Variants in TCF4 observed in about 807,000 individuals in gnomAD.
The protein encoded by TCF4 is transcription factor 4, also known as SL3-3 enhancer factor 2.
In TCF4, 3 loss-of-function variants were observed where a neutral mutation model predicts 82.1. The observed-to-expected ratio is 0.04, with a 90% CI of 0.02 to 0.09. The LOEUF (loss-of-function observed/expected upper bound fraction) is 0.09. Ranked by LOEUF, TCF4 falls within the 10% of genes least tolerant of loss-of-function variation. TCF4 has a pLI of 1.00. For missense variants in TCF4, 518 were observed against 852.7 expected, an observed-to-expected ratio of 0.61 and a Z score of 4.89; for synonymous variants, 276 against 309.6, an observed-to-expected ratio of 0.89 and a Z score of 1.14.
At chr18:55,321,769 A>T (rs1288660784) in intron 8 of TCF4, 1 of 1,511,846 alleles carries the variant, frequency 6.6e-7, no homozygotes, top group Non-Finnish European at 8.8e-7. Flanking sequence ...CCTCAGTACC[A>T]CTCTAACAAC....
At chr18:55,620,559 T>C (rs2097716735) in intron 2 of TCF4, among the ~76,000 whole-genome samples, 2 of 152,162 alleles carry the variant, frequency 1.3e-5, no homozygotes, top group Admixed American at 1.3e-4. Context: ...TCTGATTCTC[T>C]GTTCTACGAA....
At chr18:55,488,344 T>C (rs1317937233) in intron 3 of TCF4, among the ~76,000 whole-genome samples, 1 of 152,130 alleles carries the variant, frequency 6.6e-6, no homozygotes, top group Non-Finnish European at 1.5e-5. Context: ...AAACATACCA[T>C]AGCCTTCTGT....
chr18:55,269,286 T>C (rs546159986), intron 11 of TCF4: 3 of 154,852 alleles, frequency 1.9e-5, no homozygotes, highest in African/African-American at 7.2e-5. Flanking sequence ...GCATCTCCTC[T>C]CTCATAAGTG....
At chr18:55,480,495 G>T (rs1235304528) in intron 3 of TCF4, among the ~76,000 whole-genome samples, 2 of 152,270 alleles carry the variant, frequency 1.3e-5, no homozygotes, top group Admixed American at 6.5e-5. Context: ...CAGAATTTTT[G>T]AGAAAGGTGA....
chr18:55,473,726 T>A (rs145918460), intron 3 of TCF4, among the ~76,000 whole-genome samples: 1 of 152,220 alleles, frequency 6.6e-6, no homozygotes, highest in Non-Finnish European at 1.5e-5. Context: ...AAAACATCAA[T>A]GAGAAGGCTT....
intron 6 of TCF4, among the ~76,000 whole-genome samples, chr18:55,391,760 C>G (rs1310239390): frequency 1.3e-5 from 2 of 151,296 alleles, no homozygotes; most frequent in Non-Finnish European, 2.9e-5. Context: ...TGGTGAAACC[C>G]TGTCTCTACA....
chr18:55,269,784 C>T (rs762010794), intron 11 of TCF4, 47 bp downstream of exon 11: 49 of 1,611,156 alleles, frequency 3.0e-5, no homozygotes, highest in Non-Finnish European at 3.8e-5. Flanking sequence ...GATGATTAAA[C>T]TCTGACACCA....
intron 14 of TCF4, among the ~76,000 whole-genome samples, chr18:55,256,797 G>A (rs1395141322): frequency 6.6e-6 from 1 of 152,130 alleles, no homozygotes; most frequent in Non-Finnish European, 1.5e-5. Context: ...GAATCATCAT[G>A]TGAGTATTTA....
chr18:55,540,005 G>C (rs1469384432), intron 3 of TCF4, among the ~76,000 whole-genome samples: 1 of 151,578 alleles, frequency 6.6e-6, no homozygotes, highest in East Asian at 1.9e-4. Flanking sequence ...ACAGACTATG[G>C]TCCTCAGAGA....
At chr18:55,480,221 G>A (rs577638438) in intron 3 of TCF4, among the ~76,000 whole-genome samples, 1 of 122,836 alleles carries the variant, frequency 8.1e-6, no homozygotes, top group African/African-American at 3.1e-5. Context: ...CTGTTGTGAT[G>A]ATTACAGATA....
intron 3 of TCF4, chr18:55,496,401 A>T (rs1312807394): frequency 7.1e-6 from 1 of 140,214 alleles, no homozygotes; most frequent in Non-Finnish European, 1.6e-5. Context: ...AGTAAAACAA[A>T]AAAACTAAAA....
intron 3 of TCF4, among the ~76,000 whole-genome samples, chr18:55,511,329 TTTAA>T (rs1166344970): frequency 3.2e-4 from 2 of 6,256 alleles, no homozygotes; most frequent in Non-Finnish European, 5.2e-4. Flanking sequence ...ATTCCAAAAG[TTTAA>T]AAAAAAAAAA....
chr18:55,239,255 G>A (rs898466032), intron 15 of TCF4, among the ~76,000 whole-genome samples: 2 of 152,150 alleles, frequency 1.3e-5, no homozygotes, highest in Non-Finnish European at 2.9e-5. Flanking sequence ...TTAAATCACA[G>A]AACTTAGACG....
intron 8 of TCF4, among the ~76,000 whole-genome samples, chr18:55,319,973 G>A (rs2075087805): frequency 6.6e-6 from 1 of 152,126 alleles, no homozygotes; most frequent in African/African-American, 2.4e-5. Context: ...CTTTTATAAT[G>A]TAAGTCTTTC....
intron 8 of TCF4, among the ~76,000 whole-genome samples, chr18:55,325,274 T>A (rs944939739): frequency 2.0e-5 from 3 of 152,114 alleles, no homozygotes; most frequent in South Asian, 4.1e-4. Context: ...TCAATTTTCT[T>A]CCTGAGAAAA....
chr18:55,286,008 G>A (rs182326227), intron 8 of TCF4, among the ~76,000 whole-genome samples: 12 of 152,296 alleles, frequency 7.9e-5, no homozygotes, highest in Admixed American at 7.8e-4. Context: ...ATACTTGCAA[G>A]TTGTGCCAAA....
upstream of TCF4, among the ~76,000 whole-genome samples, chr18:55,592,174 C>A (rs971024078): frequency 6.6e-6 from 1 of 152,128 alleles, no homozygotes; most frequent in Non-Finnish European, 1.5e-5. Flanking sequence ...TTTTGGGATG[C>A]CTCTTCAATT....
intron 6 of TCF4, among the ~76,000 whole-genome samples, chr18:55,363,503 G>A (rs1230028057): frequency 1.3e-5 from 2 of 152,064 alleles, no homozygotes; most frequent in African/African-American, 2.4e-5. Flanking sequence ...CTACATACTC[G>A]TTTTTCAAAA....
At chr18:55,394,082 C>T (rs1242638011) in intron 6 of TCF4, among the ~76,000 whole-genome samples, 2 of 152,200 alleles carry the variant, frequency 1.3e-5, no homozygotes, top group Non-Finnish European at 2.9e-5. Flanking sequence ...TCCACACACA[C>T]ATGTTCTTTA....
Sources: gnomAD v4.1 joint callset for allele counts (sites outside exome capture counted in the v4.1 genomes callset) on GRCh38, gnomAD v4.1.1 for gene constraint, MANE v1.5 for transcripts, NCBI Gene and HGNC (gene_info 2026-07-23, HGNC 2026-07-21) for gene names.